Variants in EPHA4 observed in about 807,000 individuals in gnomAD.
EPHA4 encodes the protein EPH receptor A4, also known as ephrin type-A receptor 4.
In EPHA4, 19 loss-of-function variants were observed where a neutral mutation model predicts 108.3. The ratio of observed to expected loss-of-function variants is 0.18; its 90% confidence interval spans 0.12 to 0.26. EPHA4 has a LOEUF of 0.26. Ranked by LOEUF, EPHA4 falls within the 10% of genes least tolerant of loss-of-function variation. The pLI is 1.00. For missense variants in EPHA4, 917 were observed against 1,254.0 expected (o/e 0.73, Z 4.06); for synonymous variants, 449 against 455.5 (o/e 0.99, Z 0.18).
In EPHA4 at chr2:221,499,228, T is replaced by G. The variant is rs184164824; in HGVS notation, c.979+1789A>C. Among the ~76,000 whole-genome samples, 492 of 147,594 alleles carry G rather than the reference T, an allele frequency of 3.3e-3. 3 individuals are homozygous for G. The highest frequency in any genetic ancestry group is 0.012 in the African/African-American group (475 of 40,786). On this transcript the variant is annotated intron_variant, in intron 4 of 17. Transcript: ENST00000281821. ...TATAAAATAGAAATAATATAAAATA[T>G]AAATATAATAATATAAATATAATAA... is the stretch of plus-strand genomic sequence containing the variant.
intron 3 of EPHA4, among the ~76,000 whole-genome samples, chr2:221,503,474 T>G (rs1381834482): frequency 6.6e-6 from 1 of 152,238 alleles, no homozygotes; most frequent in East Asian, 1.9e-4. Flanking sequence ...TTCATTAAAT[T>G]TCTTACAGTG....
Position 221,420,434 on chromosome 2 carries a change from T to A in EPHA4, c.*938A>T, listed in dbSNP as rs1475394811. The A allele has an allele frequency of 6.6e-6, 1 of 152,622 alleles. No homozygotes were observed. The allele number at this position is 152,622 out of a possible 1,614,324, so 9.5% of individuals were successfully genotyped here. A position where few individuals can be genotyped will look rare whatever the true frequency, so the allele number is the denominator to read the frequency against. On this transcript the variant is annotated 3_prime_UTR_variant, in exon 18 of 18. Transcript: ENST00000281821. ...ATCAGTGTCTTTGCCCCAGAACTGG[T>A]GTAATTGAAGCAGAAGAAACACATT...
intron 4 of EPHA4, among the ~76,000 whole-genome samples, chr2:221,498,440 A>G (rs533519455): frequency 6.6e-6 from 1 of 152,322 alleles, no homozygotes; most frequent in East Asian, 1.9e-4. Context: ...GGAGTTTATT[A>G]TTAAACTAAT....
At chr2:221,440,608 C>CTT (rs540476239) in intron 11 of EPHA4, among the ~76,000 whole-genome samples, 38 of 139,756 alleles carry the variant, frequency 2.7e-4, no homozygotes, top group East Asian at 1.0e-3. Context: ...ACCAAGGTTC[C>CTT]TTTTTTTTTT....
At chr2:221,514,832 A>T (rs1488315240) in intron 3 of EPHA4, among the ~76,000 whole-genome samples, 1 of 152,220 alleles carries the variant, frequency 6.6e-6, no homozygotes, top group Non-Finnish European at 1.5e-5. Flanking sequence ...TGAGAGAAGA[A>T]AAAGTGGAAC....
At chr2:221,480,679 G>T (rs1006757006) in intron 5 of EPHA4, among the ~76,000 whole-genome samples, 1 of 152,112 alleles carries the variant, frequency 6.6e-6, no homozygotes, top group African/African-American at 2.4e-5. Context: ...AAAGACAAAG[G>T]CCTAGCTGGA....
At chr2:221,501,405 T>A in intron 3 of EPHA4, 1 of 401,110 alleles carries the variant, frequency 2.5e-6, no homozygotes. Flanking sequence ...GAAGAAATTT[T>A]CTTAAACCTG....
chr2:221,421,021 G>A (rs545028349), intron 17 of EPHA4, among the ~76,000 whole-genome samples: 1 of 152,306 alleles, frequency 6.6e-6, no homozygotes, highest in African/African-American at 2.4e-5. Context: ...ACTAAGGGCC[G>A]GGCGCGGTGG....
chr2:221,517,472 G>A (rs1453192988), intron 3 of EPHA4, among the ~76,000 whole-genome samples: 1 of 152,108 alleles, frequency 6.6e-6, no homozygotes, highest in Non-Finnish European at 1.5e-5. Context: ...GAACGTGGAT[G>A]ACAGGAAGTA....
chr2:221,456,514 CA>C, intron 7 of EPHA4, 98 bp downstream of exon 7: 1 of 1,328,940 alleles, frequency 7.5e-7, no homozygotes, highest in Non-Finnish European at 1.0e-6. Flanking sequence ...TCTGCTGAAC[CA>C]AAAATTACAG....
At chr2:221,462,416 C>T (rs1423105438) in intron 5 of EPHA4, among the ~76,000 whole-genome samples, 1 of 151,766 alleles carries the variant, frequency 6.6e-6, no homozygotes, top group African/African-American at 2.4e-5. Context: ...CAGTTTTTAA[C>T]CCAAAACTTG....
chr2:221,503,539 T>A (rs1692542516), intron 3 of EPHA4, among the ~76,000 whole-genome samples: 1 of 152,236 alleles, frequency 6.6e-6, no homozygotes, highest in African/African-American at 2.4e-5. Flanking sequence ...ATTTGCAAGT[T>A]TACATTTTTT....
intron 5 of EPHA4, among the ~76,000 whole-genome samples, chr2:221,459,220 C>T (rs939273321): frequency 6.6e-6 from 1 of 152,022 alleles, no homozygotes; most frequent in Non-Finnish European, 1.5e-5. Flanking sequence ...AAATCCAGTA[C>T]GGTAGAGACT....
intron 8 of EPHA4, among the ~76,000 whole-genome samples, chr2:221,451,517 G>A (rs1371156954): frequency 6.6e-6 from 1 of 152,126 alleles, no homozygotes; most frequent in Non-Finnish European, 1.5e-5. Flanking sequence ...TGGAAATGTT[G>A]ATTTGCTGGA....
At chr2:221,545,005 T>C (rs1559287678) in intron 3 of EPHA4, among the ~76,000 whole-genome samples, 1 of 152,182 alleles carries the variant, frequency 6.6e-6, no homozygotes, top group African/African-American at 2.4e-5. Context: ...AGAAAATAAA[T>C]TGCTGTTGTT....
rs913062285 is a variant in EPHA4, at chr2:221,571,489, C to A, written c.91+669G>T. 1.3e-5 allele frequency among the ~76,000 whole-genome samples: 2 copies of A among 152,380 alleles called. No individual in the cohort carries two copies. Among genetic ancestry groups the A allele is most frequent in the Non-Finnish European group, 2.9e-5 (2 of 68,050 alleles). ...CGAAAAGCTAAAACTCGACTGCGTT[C>A]AACTTGCCGGCGGGTTCCCCAAGTC... On this transcript the variant is annotated intron_variant, in intron 1 of 17. Transcript: ENST00000281821. The surrounding 1 kb of genome is among the most constrained non-coding windows in gnomAD (Gnocchi z 6.3).
intron 3 of EPHA4, among the ~76,000 whole-genome samples, chr2:221,533,969 C>CCA (rs1367215966): frequency 6.6e-6 from 1 of 152,136 alleles, no homozygotes; most frequent in Non-Finnish European, 1.5e-5. Context: ...TTTCCCACAT[C>CCA]TGCGTGACAC....
At chr2:221,543,774 G>A (rs1235721262) in intron 3 of EPHA4, among the ~76,000 whole-genome samples, 1 of 152,134 alleles carries the variant, frequency 6.6e-6, no homozygotes, top group Non-Finnish European at 1.5e-5. Flanking sequence ...GGCTTAGAAG[G>A]ATAAAGTGAC....
chr2:221,456,890 T>C, intron 6 of EPHA4, 118 bp from the exon 7 acceptor site: 2 of 1,039,156 alleles, frequency 1.9e-6, no homozygotes, highest in Non-Finnish European at 1.4e-6. Context: ...TAAATGGAGA[T>C]GAATAAACTC....
Sources: gnomAD v4.1 joint callset for allele counts (sites outside exome capture counted in the v4.1 genomes callset) on GRCh38, gnomAD v4.1.1 for gene constraint, Gnocchi (gnomAD v3.1) non-coding constraint, MANE v1.5 for transcripts, NCBI Gene and HGNC (gene_info 2026-07-23, HGNC 2026-07-21) for gene names.